FMN2: variants seen among roughly 807,000 people sequenced by gnomAD.
The protein encoded by FMN2 is formin 2.
A neutral mutation model predicts 142.3 loss-of-function variants in FMN2; 51 were observed. The ratio of observed to expected loss-of-function variants is 0.36; its 90% confidence interval spans 0.29 to 0.45. The LOEUF is 0.45. Among genes scored for constraint, FMN2 ranks in the 20% least tolerant of loss-of-function variants. The pLI is 1.00. For synonymous variants in FMN2, 882 were observed against 869.8 expected, an observed-to-expected ratio of 1.01 and a Z score of -0.25; for missense variants, 1,936 against 2,122.8, an observed-to-expected ratio of 0.91 and a Z score of 1.73.
intron 8 of FMN2, among the ~76,000 whole-genome samples, chr1:240,309,291 T>C (rs1021346073): frequency 6.6e-6 from 1 of 152,134 alleles, no homozygotes. Flanking sequence ...GCCTGGGCCA[T>C]AGCTGGTCAC....
chr1:240,200,103 C>T (rs553331641), intron 4 of FMN2, among the ~76,000 whole-genome samples: 15 of 152,190 alleles, frequency 9.9e-5, no homozygotes, highest in South Asian at 2.1e-4. Context: ...AAGTTCCAGG[C>T]GCTGGACACA....
rs541437035 is a variant in FMN2, at chr1:240,441,922, A to C, written c.5060+3712A>C. Among the ~76,000 whole-genome samples the C allele has an allele frequency of 1.2e-3, 183 of 152,272 alleles. 2 individuals carry two copies. Among genetic ancestry groups the C allele is most frequent in the African/African-American group, 3.9e-3 (164 of 41,540 alleles). On this transcript the variant is annotated intron_variant, in intron 16 of 17. Transcript: ENST00000319653. ...TGTAGGTAATAAAACCCCGCTCTGA[A>C]TACCTCAAAGCAAAAAGAGAGAGAC... is the stretch of plus-strand genomic sequence containing the variant.
intron 2 of FMN2, 106 bp downstream of exon 2, chr1:240,123,451 T>C (rs553865018): frequency 8.8e-5 from 102 of 1,165,442 alleles, no homozygotes; most frequent in Non-Finnish European, 7.8e-5. Flanking sequence ...CAACATGTGA[T>C]TCAAGCATTT....
intron 2 of FMN2, among the ~76,000 whole-genome samples, chr1:240,164,380 A>G (rs1664396564): frequency 1.3e-5 from 2 of 152,058 alleles, no homozygotes; most frequent in South Asian, 4.1e-4. Context: ...TTCTTTCTAT[A>G]TTATCTCCAC....
chr1:240,348,452 A>T (rs1182292544), intron 13 of FMN2, among the ~76,000 whole-genome samples: 2 of 150,662 alleles, frequency 1.3e-5, no homozygotes, highest in Non-Finnish European at 2.9e-5. Context: ...CGAACTCCTG[A>T]CCTCAGGTTA....
intron 14 of FMN2, among the ~76,000 whole-genome samples, chr1:240,358,832 T>G (rs1672370330): frequency 6.6e-6 from 1 of 152,132 alleles, no homozygotes; most frequent in African/African-American, 2.4e-5. Context: ...AGCCATATTA[T>G]TTCCCTTAAA....
In FMN2 at chr1:240,208,477, C is replaced by A; in HGVS notation, c.3665C>A (p.Ala1222Asp). 6.2e-7 allele frequency: 1 copy of A among 1,610,786 alleles called. No individual in the cohort carries two copies. The highest frequency in any genetic ancestry group is 8.5e-7 in the Non-Finnish European group (1 of 1,178,884). ...GGTATGGGGATTCCACCTGCTCCAG[C>A]TCCCCCACTCCCTCCACCTGGGACA... ...LPGMGIPPAPAPPLPPPGTGI... is the reference protein window; with the variant it reads ...LPGMGIPPAPDPPLPPPGTGI... The change falls in exon 5 of 18, where the codon GCT becomes GAT. Residue 1222 changes from alanine to aspartate, a missense_variant. Around this residue, in one of 8 missense-constraint regions of FMN2, gnomAD observed 259 missense variants for 230.9 expected, o/e 1.12. Coordinates refer to ENST00000319653, the MANE Select transcript of FMN2 (RefSeq NM_020066.5).
At chr1:240,186,517 T>C (rs1665458265) in intron 3 of FMN2, among the ~76,000 whole-genome samples, 1 of 152,078 alleles carries the variant, frequency 6.6e-6, no homozygotes, top group Admixed American at 6.5e-5. Flanking sequence ...ACGAAGAAAG[T>C]AAGGGTGAGT....
chr1:240,188,127 G>C lies in FMN2; in HGVS notation c.1931-80G>C. 4 of 1,383,038 alleles carry C rather than the reference G, an allele frequency of 2.9e-6. No individual in the cohort carries two copies. In the East Asian group the frequency reaches 9.2e-5, roughly 32 times the overall value. 85.7% of individuals were successfully genotyped at this position (1,383,038 alleles called of 1,614,324 possible). A position where few individuals can be genotyped will look rare whatever the true frequency, so the allele number is the denominator to read the frequency against. On this transcript the variant is annotated intron_variant, in intron 3 of 17. Coordinates refer to ENST00000319653, the MANE Select transcript of FMN2 (RefSeq NM_020066.5). Reference sequence around the variant, plus strand: ...TACTTATGGTTAATGATATATTTTAGTGAAAGTTTTATTTTCTGATTGAAG... The same window carrying C: ...TACTTATGGTTAATGATATATTTTACTGAAAGTTTTATTTTCTGATTGAAG...
intron 6 of FMN2, among the ~76,000 whole-genome samples, chr1:240,251,749 C>G (rs1166877302): frequency 6.6e-6 from 1 of 152,058 alleles, no homozygotes; most frequent in East Asian, 1.9e-4. Flanking sequence ...CTGTGTGCTC[C>G]GTTGTTGGGT....
At chr1:240,247,879 G>T (rs1668132194) in intron 6 of FMN2, among the ~76,000 whole-genome samples, 1 of 152,088 alleles carries the variant, frequency 6.6e-6, no homozygotes, top group Non-Finnish European at 1.5e-5. Flanking sequence ...GATGTTACAT[G>T]CATAGAATGC....
chr1:240,335,638 C>T (rs1050916396), intron 13 of FMN2, among the ~76,000 whole-genome samples: 16 of 152,066 alleles, frequency 1.1e-4, no homozygotes, highest in African/African-American at 3.1e-4. Flanking sequence ...GATAAAGGAG[C>T]GGAATGGGTG....
intron 2 of FMN2, chr1:240,144,227 G>A: frequency 5.8e-6 from 9 of 1,549,434 alleles, no homozygotes; most frequent in Non-Finnish European, 7.1e-6. Context: ...TTAAACAAAA[G>A]CTGCATTCAC....
intron 16 of FMN2, among the ~76,000 whole-genome samples, chr1:240,461,935 G>A (rs1248278277): frequency 6.6e-6 from 1 of 152,088 alleles, no homozygotes; most frequent in African/African-American, 2.4e-5. Flanking sequence ...GCCTTTTTCT[G>A]GGTATCTGTG....
At chr1:240,465,518 T>C (rs1457797529) in intron 16 of FMN2, among the ~76,000 whole-genome samples, 1 of 152,184 alleles carries the variant, frequency 6.6e-6, no homozygotes, top group African/African-American at 2.4e-5. Context: ...ATCTGCTTTT[T>C]GTTTACTGTT....
At chr1:240,348,451 G>T (rs749463122) in intron 13 of FMN2, among the ~76,000 whole-genome samples, 2 of 151,666 alleles carry the variant, frequency 1.3e-5, no homozygotes, top group South Asian at 4.2e-4. Flanking sequence ...TCGAACTCCT[G>T]ACCTCAGGTT....
chr1:240,257,097 A>G (rs1219626209), intron 6 of FMN2, among the ~76,000 whole-genome samples: 1 of 152,210 alleles, frequency 6.6e-6, no homozygotes, highest in Non-Finnish European at 1.5e-5. Flanking sequence ...CACTGGGAGT[A>G]AATAGAAAAT....
intron 15 of FMN2, among the ~76,000 whole-genome samples, chr1:240,409,350 G>A (rs1415040037): frequency 6.6e-6 from 1 of 151,988 alleles, no homozygotes; most frequent in Non-Finnish European, 1.5e-5. Flanking sequence ...CACCGTGTTG[G>A]CCAAGCTGGT....
intron 2 of FMN2, among the ~76,000 whole-genome samples, chr1:240,127,775 C>T (rs944123638): frequency 1.3e-5 from 2 of 152,148 alleles, no homozygotes; most frequent in South Asian, 2.1e-4. Flanking sequence ...CCACCATGCC[C>T]GGCCCCCAGC....
Sources: allele counts gnomAD v4.1 joint callset (sites outside exome capture counted in the v4.1 genomes callset), GRCh38; gene constraint gnomAD v4.1.1; regional missense constraint gnomAD v4.1.1; transcripts MANE v1.5; gene names NCBI Gene and HGNC (gene_info 2026-07-23, HGNC 2026-07-21).